The following SYTL3 variants were observed in gnomAD, a reference collection of about 807,000 sequenced individuals.
SYTL3 encodes the protein synaptotagmin-like protein 3.
Under a neutral mutation model 82.1 loss-of-function variants are expected in SYTL3, and 88 were observed. That is an observed-to-expected ratio of 1.07 (90% CI 0.90 to 1.28). SYTL3 has a LOEUF of 1.28. Ranked by LOEUF, SYTL3 falls within the 50% of genes most tolerant of loss-of-function variation. The probability of loss-of-function intolerance (pLI) is 0.00; values close to 1 mark genes in which losing one functional copy is unlikely to be tolerated. For synonymous variants in SYTL3, 311 were observed against 289.4 expected (o/e 1.07, Z -0.76); for missense variants, 831 against 757.6 (o/e 1.10, Z -1.14).
chr6:158,668,992 C>T (rs879571526), intron 5 of SYTL3, among the ~76,000 whole-genome samples: 4 of 151,906 alleles, frequency 2.6e-5, no homozygotes, highest in Non-Finnish European at 5.9e-5. Flanking sequence ...CAGCAGGGGC[C>T]GATCAGAAGA....
intron 9 of SYTL3, among the ~76,000 whole-genome samples, chr6:158,717,178 G>A (rs1349072521): frequency 6.6e-6 from 1 of 152,160 alleles, no homozygotes; most frequent in African/African-American, 2.4e-5. Flanking sequence ...GGAGGCTGAG[G>A]CATGAGAATC....
chr6:158,655,550 TGAG>T (rs1788575706), intron 2 of SYTL3, among the ~76,000 whole-genome samples: 1 of 152,178 alleles, frequency 6.6e-6, no homozygotes, highest in Non-Finnish European at 1.5e-5. Flanking sequence ...TTATTGTAAA[TGAG>T]GAGAAAGTTT....
intron 11 of SYTL3, among the ~76,000 whole-genome samples, chr6:158,740,946 C>G (rs1264200819): frequency 2.0e-5 from 3 of 152,162 alleles, no homozygotes; most frequent in Admixed American, 2.0e-4. Flanking sequence ...CTGCATCCTT[C>G]TGGTTGTGTT....
Position 158,764,557 on chromosome 6 carries a change from C to T in SYTL3, c.1786C>T (p.Leu596Phe). Residue 596 changes from leucine to phenylalanine, a missense_variant, in exon 18 of 18, where the codon CTT becomes TTT. Transcript: ENST00000611299. Reference sequence around the variant, plus strand: ...ATCGAAGCTCCAGTGGCAGAAAGTCCTTTCCAGCCCCAATCTATGGACAGA... The same window carrying T: ...ATCGAAGCTCCAGTGGCAGAAAGTCTTTTCCAGCCCCAATCTATGGACAGA... ...SLSKLQWQKV[L>F]SSPNLWTDMT... 1 of 1,614,144 alleles carries T rather than the reference C, an allele frequency of 6.2e-7. No individual in the cohort carries two copies. Among genetic ancestry groups the T allele is most frequent in the Non-Finnish European group, 8.5e-7 (1 of 1,180,008 alleles).
intron 11 of SYTL3, among the ~76,000 whole-genome samples, chr6:158,741,703 C>G (rs1786949043): frequency 6.6e-6 from 1 of 152,136 alleles, no homozygotes; most frequent in Non-Finnish European, 1.5e-5. Flanking sequence ...ACATCACAAT[C>G]TGATTGAGAA....
intron 17 of SYTL3, among the ~76,000 whole-genome samples, chr6:158,763,823 T>A (rs1790344683): frequency 6.6e-6 from 1 of 152,212 alleles, no homozygotes; most frequent in Admixed American, 6.5e-5. Flanking sequence ...AATGAAAATA[T>A]CTTCTTAAAC....
At chr6:158,671,933 T>C (rs1777428239) in intron 5 of SYTL3, among the ~76,000 whole-genome samples, 1 of 152,208 alleles carries the variant, frequency 6.6e-6, no homozygotes, top group Non-Finnish European at 1.5e-5. Flanking sequence ...TGCTCATTGC[T>C]AGTCTTTGGA....
chr6:158,746,453 A>ATTATTATTATTATTATTATTAT (rs1554263746), intron 12 of SYTL3, among the ~76,000 whole-genome samples: 6 of 99,494 alleles, frequency 6.0e-5, no homozygotes, highest in East Asian at 2.0e-4. Flanking sequence ...AATAATAATA[A>ATTATTATTATTATTATTATTAT]TAATAATATT....
intron 16 of SYTL3, 98 bp from the exon 17 acceptor site, chr6:158,763,206 C>A: frequency 2.5e-6 from 3 of 1,180,298 alleles, no homozygotes; most frequent in South Asian, 2.6e-5. Context: ...GTGGACTTGG[C>A]ACTTTTCTTA....
chr6:158,647,334 C>T (rs1421548836), upstream of SYTL3, among the ~76,000 whole-genome samples: 6 of 152,202 alleles, frequency 3.9e-5, no homozygotes, highest in African/African-American at 1.4e-4. Context: ...CATTTTGAGG[C>T]TGCCAGTAAA....
intron 6 of SYTL3, among the ~76,000 whole-genome samples, chr6:158,700,243 C>T (rs367550072): frequency 5.3e-5 from 8 of 152,012 alleles, no homozygotes; most frequent in Admixed American, 6.6e-5. Flanking sequence ...GCAACAAGAG[C>T]GAAACTCTGT....
chr6:158,698,190 A>G (rs1258502452), intron 6 of SYTL3, among the ~76,000 whole-genome samples: 1 of 152,082 alleles, frequency 6.6e-6, no homozygotes, highest in Non-Finnish European at 1.5e-5. Context: ...TGAGGTCAGG[A>G]ATTGGAGACC....
At chr6:158,675,724 G>C (rs60080900) in intron 5 of SYTL3, among the ~76,000 whole-genome samples, 4,784 of 152,190 alleles carry the variant, frequency 0.031, 273 homozygotes, top group African/African-American at 0.11. Context: ...AAGATGGGCG[G>C]ATCATGAGGT....
At chr6:158,734,659 T>G (rs999002357) in intron 11 of SYTL3, among the ~76,000 whole-genome samples, 17 of 151,694 alleles carry the variant, frequency 1.1e-4, no homozygotes, top group African/African-American at 4.1e-4. Flanking sequence ...TCCCCCCACC[T>G]GCTCTATGTT....
intron 1 of SYTL3, among the ~76,000 whole-genome samples, chr6:158,651,527 G>A (rs889377000): frequency 6.6e-6 from 1 of 152,092 alleles, no homozygotes; most frequent in African/African-American, 2.4e-5. Context: ...GGTGGAGGTT[G>A]CAGTGAGCTG....
At chr6:158,667,586 C>T (rs999961817) in intron 5 of SYTL3, among the ~76,000 whole-genome samples, 1 of 152,164 alleles carries the variant, frequency 6.6e-6, no homozygotes, top group Non-Finnish European at 1.5e-5. Flanking sequence ...TCATAACTGT[C>T]GCACATCTGG....
chr6:158,760,290 T>C (rs975594038), intron 14 of SYTL3, among the ~76,000 whole-genome samples: 2 of 152,012 alleles, frequency 1.3e-5, no homozygotes, highest in Admixed American at 1.3e-4. Context: ...GTGGATGGGG[T>C]GGAGGCTTGA....
chr6:158,735,226 G>A (rs886994640), intron 11 of SYTL3, among the ~76,000 whole-genome samples: 1 of 151,788 alleles, frequency 6.6e-6, no homozygotes, highest in African/African-American at 2.4e-5. Context: ...ACTTTTTGTT[G>A]GAAAACAAAA....
Position 158,761,529 on chromosome 6 carries a change from C to T in SYTL3, c.1415-547C>T, listed in dbSNP as rs372465725. ...TTCACCATGTTAGCCAGGATGGTCT[C>T]GATCTCCTGACCTCATGATCCGCCC... is the stretch of plus-strand genomic sequence containing the variant. On this transcript the variant is annotated intron_variant, in intron 15 of 17. Transcript: ENST00000611299. Among the ~76,000 whole-genome samples, 129 of 152,044 alleles carry T rather than the reference C, an allele frequency of 8.5e-4. 1 individual carries two copies. Among genetic ancestry groups the T allele is most frequent in the African/African-American group, 2.8e-3 (118 of 41,494 alleles).
Sources: gnomAD v4.1 joint callset for allele counts (sites outside exome capture counted in the v4.1 genomes callset) on GRCh38, gnomAD v4.1.1 for gene constraint, MANE v1.5 for transcripts, NCBI Gene and HGNC (gene_info 2026-07-23, HGNC 2026-07-21) for gene names.